The following ASPH variants were observed in gnomAD, a reference collection of about 807,000 sequenced individuals.
ASPH encodes aspartyl/asparaginyl beta-hydroxylase.
In ASPH, 100 loss-of-function variants were observed where a neutral mutation model predicts 118.4. The observed-to-expected ratio is 0.84, with a 90% CI of 0.72 to 1.00. The LOEUF (loss-of-function observed/expected upper bound fraction) is 1.00. ASPH is among the 50% of genes least tolerant of loss of function. ASPH has a pLI of 0.00. For missense variants in ASPH, 920 were observed against 919.5 expected (o/e 1.00, Z -0.01); for synonymous variants, 315 against 325.6 (o/e 0.97, Z 0.35).
intron 2 of ASPH, among the ~76,000 whole-genome samples, chr8:61,683,372 CA>C (rs1377343283): frequency 6.6e-6 from 1 of 151,394 alleles, no homozygotes; most frequent in Non-Finnish European, 1.5e-5. Context: ...AATGTGACTC[CA>C]AAAATAACAA....
intron 18 of ASPH, 66 bp downstream of exon 18, chr8:61,562,678 A>C: frequency 1.4e-6 from 2 of 1,415,100 alleles, no homozygotes; most frequent in Non-Finnish European, 1.9e-6. Flanking sequence ...ACTGGGTATA[A>C]TAAATGTAAT....
At chr8:61,506,099 A>T (rs1445207652) in intron 24 of ASPH, among the ~76,000 whole-genome samples, 1 of 152,250 alleles carries the variant, frequency 6.6e-6, no homozygotes, top group African/African-American at 2.4e-5. Context: ...TGAACAGACA[A>T]ACAAAATGTG....
At chr8:61,690,235 C>T (rs960196911) in intron 1 of ASPH, among the ~76,000 whole-genome samples, 3 of 152,246 alleles carry the variant, frequency 2.0e-5, no homozygotes, top group African/African-American at 7.2e-5. Context: ...TGAAACAAAA[C>T]CATACATAGT....
chr8:61,706,232 G>A (rs1233217318), intron 1 of ASPH, among the ~76,000 whole-genome samples: 1 of 151,544 alleles, frequency 6.6e-6, no homozygotes, highest in Non-Finnish European at 1.5e-5. Context: ...AGAGCAGACA[G>A]GCCAACACGG....
chr8:61,557,745 T>C (rs1407988365), intron 18 of ASPH, among the ~76,000 whole-genome samples: 1 of 152,140 alleles, frequency 6.6e-6, no homozygotes, highest in Non-Finnish European at 1.5e-5. Context: ...CTCAGATGAG[T>C]ACATGCTGGG....
chr8:61,678,145 G>A (rs1234949925), intron 3 of ASPH, among the ~76,000 whole-genome samples: 1 of 151,988 alleles, frequency 6.6e-6, no homozygotes, highest in Non-Finnish European at 1.5e-5. Context: ...GTGCTGACTG[G>A]CTTCCCTTTT....
At chr8:61,689,604 A>G in intron 1 of ASPH, 3 of 1,438,010 alleles carry the variant, frequency 2.1e-6, no homozygotes, top group Non-Finnish European at 2.9e-6. Flanking sequence ...ACAGAGCACC[A>G]CTGAAAATAA....
At chr8:61,625,194 G>T in intron 13 of ASPH, 1 of 985,686 alleles carries the variant, frequency 1.0e-6, no homozygotes, top group Non-Finnish European at 1.2e-6. Flanking sequence ...TTTCAACAGA[G>T]CAATTATTTC....
chr8:61,620,175 G>GCTTTTAGGATTA (rs1850419195), intron 13 of ASPH, among the ~76,000 whole-genome samples: 1 of 152,194 alleles, frequency 6.6e-6, no homozygotes, highest in African/African-American at 2.4e-5. Flanking sequence ...AACTAACTTT[G>GCTTTTAGGATTA]AAATCTAGCG....
chr8:61,530,532 A>ACAGC (rs1220602044), intron 21 of ASPH, among the ~76,000 whole-genome samples: 1 of 152,196 alleles, frequency 6.6e-6, no homozygotes, highest in Non-Finnish European at 1.5e-5. Flanking sequence ...ATCTCCCCAG[A>ACAGC]CAGCCTGCTC....
At chr8:61,616,275 C>T (rs912989468) in intron 14 of ASPH, among the ~76,000 whole-genome samples, 1 of 152,034 alleles carries the variant, frequency 6.6e-6, no homozygotes, top group African/African-American at 2.4e-5. Context: ...CGAGGATACC[C>T]GACAGTGCAG....
rs1856664383 is a variant in ASPH, at chr8:61,633,873, T to C, written c.890-146A>G. The stretch of plus-strand genomic sequence containing the variant: ...TTTTAATAAAAACATTAGGCTTCTA[T>C]ACCCTCACAACAAAGAATGATCAGC... On this transcript the variant is annotated intron_variant, in intron 12 of 24. Transcript: ENST00000379454. 30 of 571,270 alleles carry C rather than the reference T, an allele frequency of 5.3e-5. 1 individual carries two copies. The South Asian group carries it at 7.3e-4, about 14-fold the overall frequency. The allele number at this position is 571,270 out of a possible 1,614,324, so 35.4% of individuals were successfully genotyped here. A position where few individuals can be genotyped will look rare whatever the true frequency, so the allele number is the denominator to read the frequency against.
chr8:61,613,032 T>C (rs1031869712), intron 14 of ASPH, among the ~76,000 whole-genome samples: 3 of 152,188 alleles, frequency 2.0e-5, no homozygotes, highest in African/African-American at 7.2e-5. Flanking sequence ...ATACTACAAC[T>C]ATTTATTCAG....
chr8:61,695,324 A>G (rs531763473), intron 1 of ASPH, among the ~76,000 whole-genome samples: 1 of 152,326 alleles, frequency 6.6e-6, no homozygotes, highest in East Asian at 1.9e-4. Context: ...ATAAAATACA[A>G]CATCTTCCAT....
chr8:61,663,692 AG>A, intron 3 of ASPH: 1 of 979,760 alleles, frequency 1.0e-6, no homozygotes, highest in Non-Finnish European at 1.2e-6. Context: ...CGAAGTTATC[AG>A]GTTACAATAT....
intron 16 of ASPH, among the ~76,000 whole-genome samples, chr8:61,574,708 T>C (rs1456621855): frequency 6.6e-6 from 1 of 152,024 alleles, no homozygotes; most frequent in Non-Finnish European, 1.5e-5. Flanking sequence ...GGTGGGGGGC[T>C]AGGGGAGGGA....
Position 61,625,777 on chromosome 8 carries a change from A to G in ASPH, c.935-6758T>C, listed in dbSNP as rs1002960020. On this transcript the variant is annotated intron_variant, in intron 13 of 24. Coordinates refer to ENST00000379454, the MANE Select transcript of ASPH (RefSeq NM_004318.4). ...ACAACTCAAATCTTCACAGCTAATG[A>G]TGATCTCTGTTAGCGTTTTTAAGAG... 6.1e-6 allele frequency: 6 copies of G among 985,828 alleles called. No homozygotes were observed. In the African/African-American group the frequency reaches 1.0e-4, roughly 17 times the overall value. 61.1% of individuals were successfully genotyped at this position (985,828 alleles called of 1,614,324 possible). A position where few individuals can be genotyped will look rare whatever the true frequency, so the allele number is the denominator to read the frequency against.
chr8:61,636,902 A>G (rs1858047426), intron 12 of ASPH, among the ~76,000 whole-genome samples: 1 of 152,104 alleles, frequency 6.6e-6, no homozygotes, highest in African/African-American at 2.4e-5. Flanking sequence ...CCACACAGAG[A>G]TGGATCCTGC....
intron 3 of ASPH, among the ~76,000 whole-genome samples, chr8:61,669,254 T>C (rs1821207767): frequency 6.6e-6 from 1 of 152,250 alleles, no homozygotes; most frequent in Non-Finnish European, 1.5e-5. Context: ...TGTTCTATTA[T>C]ATTGTTCAAA....
Sources: allele counts gnomAD v4.1 joint callset (sites outside exome capture counted in the v4.1 genomes callset), GRCh38; gene constraint gnomAD v4.1.1; transcripts MANE v1.5; gene names NCBI Gene and HGNC (gene_info 2026-07-23, HGNC 2026-07-21).